PIWIL1: variants seen among roughly 807,000 people sequenced by gnomAD.
PIWIL1 encodes the protein piwi-like protein 1.
A neutral mutation model predicts 114.4 loss-of-function variants in PIWIL1; 73 were observed. The observed-to-expected ratio is 0.64, with a 90% CI of 0.53 to 0.78. PIWIL1 has a LOEUF of 0.78. PIWIL1 is among the 30% of genes least tolerant of loss of function. The probability of loss-of-function intolerance (pLI) is 0.00; values close to 1 mark genes in which losing one functional copy is unlikely to be tolerated. For synonymous variants in PIWIL1, 375 were observed against 369.0 expected, an observed-to-expected ratio of 1.02 and a Z score of -0.19; for missense variants, 723 against 1,063.1, an observed-to-expected ratio of 0.68 and a Z score of 4.45.
downstream of PIWIL1, among the ~76,000 whole-genome samples, chr12:130,372,849 G>T (rs969793740): frequency 6.6e-6 from 1 of 152,024 alleles, no homozygotes; most frequent in African/African-American, 2.4e-5. Context: ...CAAAGAGAAG[G>T]CTTAAAATTA....
rs1248060950 is a variant in PIWIL1 at position 130,371,592 on chromosome 12, C to T, written c.2580C>T (p.Tyr860=). The T allele has an allele frequency of 6.3e-7, 1 of 1,592,042 alleles. No homozygotes were observed. The highest frequency in any genetic ancestry group is 2.2e-5 in the East Asian group (1 of 44,784). The change falls in exon 21 of 21, where the codon TAC becomes TAT. Residue 860 remains tyrosine (Y), a synonymous_variant. Coordinates refer to ENST00000245255, the MANE Select transcript of PIWIL1 (RefSeq NM_004764.5). ...PNLSLSNRLY[Y]L ...TGTCACTGTCAAACCGCCTTTACTA[C>T]CTCTAACCTGCAGAAGACGATGCAG...
At chr12:130,402,143 T>C in the PIWIL1 span, among the ~76,000 whole-genome samples, 5 of 152,190 alleles carry the variant, frequency 3.3e-5, no homozygotes, top group Admixed American at 1.3e-4. Flanking sequence ...CCTCTACCAC[T>C]GCGTGCTACT....
chr12:130,391,730 G>A, the PIWIL1 span, among the ~76,000 whole-genome samples: 5 of 152,156 alleles, frequency 3.3e-5, no homozygotes, highest in African/African-American at 9.7e-5. Context: ...GAGAGGGTCT[G>A]AGTGTCAGAG....
In PIWIL1 at chr12:130,337,999, G is replaced by A. The variant is rs182955466; in HGVS notation, c.-160G>A. ...GCCCGCGTGTCCCTGGCTCTCTCGG[G>A]AACCCAGCGCCGAAGGCGAGGTGGG... On this transcript the variant is annotated 5_prime_UTR_variant, in exon 1 of 21. Coordinates refer to ENST00000245255, the MANE Select transcript of PIWIL1 (RefSeq NM_004764.5). The A allele has an allele frequency of 0.04, 6,931 of 172,558 alleles. 261 individuals are homozygous for A. The highest frequency in any genetic ancestry group is 0.16 in the South Asian group (1,254 of 7,986). 10.7% of individuals were successfully genotyped at this position (172,558 alleles called of 1,614,324 possible).
At position 130,361,480 on chromosome 12, in the gene PIWIL1, A is replaced by G; in HGVS notation, c.1867-18A>G. 1 of 1,613,136 alleles carries G rather than the reference A, an allele frequency of 6.2e-7. No homozygotes were observed. The highest frequency in any genetic ancestry group is 8.5e-7 in the Non-Finnish European group (1 of 1,179,090). On this transcript the variant is annotated intron_variant, in intron 15 of 20. Coordinates refer to ENST00000245255, the MANE Select transcript of PIWIL1 (RefSeq NM_004764.5). ...CTGGTACTCCATTGTATCTAAAATT[A>G]CCATATTTGTATTGAAGCTGAAGCT...
chr12:130,355,838 G>C (rs2073349520), intron 12 of PIWIL1, among the ~76,000 whole-genome samples, 171 bp downstream of exon 12: 1 of 152,136 alleles, frequency 6.6e-6, no homozygotes, highest in Admixed American at 6.5e-5. Flanking sequence ...AAGCAAGTGG[G>C]AAGAACTGAG....
the PIWIL1 span, chr12:130,396,013 G>GGA: frequency 6.8e-6 from 1 of 147,802 alleles, no homozygotes; most frequent in Non-Finnish European, 1.5e-5. Flanking sequence ...ATTATTTTTG[G>GGA]AAAAAAAAAA....
chr12:130,339,959 C>T (rs746880950), intron 1 of PIWIL1, among the ~76,000 whole-genome samples: 2 of 152,156 alleles, frequency 1.3e-5, no homozygotes, highest in Admixed American at 6.5e-5. Context: ...CTGTTTCACA[C>T]CGTTGTTTGT....
intron 20 of PIWIL1, 61 bp downstream of exon 20, chr12:130,371,384 T>C (rs2073813024): frequency 6.2e-6 from 10 of 1,612,166 alleles, no homozygotes; most frequent in Non-Finnish European, 8.5e-6. Flanking sequence ...CAAAATGAAA[T>C]AGCTGTGGTT....
At chr12:130,424,582 C>T in the PIWIL1 span, 14 of 1,231,880 alleles carry the variant, frequency 1.1e-5, no homozygotes, top group South Asian at 8.2e-5. This position sits in a 1 kb window ranked among gnomAD's most constrained non-coding sequence, Gnocchi z 9.8. Flanking sequence ...AAGTCCTCCA[C>T]GTGGGGGACG....
intron 1 of PIWIL1, among the ~76,000 whole-genome samples, chr12:130,338,830 A>T (rs1178438504): frequency 1.3e-5 from 1 of 77,094 alleles, no homozygotes; most frequent in Non-Finnish European, 2.4e-5. Context: ...CTGAGGCCCG[A>T]CTTGCCGGGG....
At chr12:130,366,123 T>C in intron 18 of PIWIL1, among the ~76,000 whole-genome samples, 1 of 152,224 alleles carries the variant, frequency 6.6e-6, no homozygotes. Flanking sequence ...GTATCTGTCC[T>C]CTTAAGGAAC....
the PIWIL1 span, among the ~76,000 whole-genome samples, chr12:130,402,680 A>G: frequency 1.3e-5 from 2 of 152,212 alleles, no homozygotes; most frequent in Non-Finnish European, 2.9e-5. Flanking sequence ...CTGGAGGCCT[A>G]ATGTCCAGAC....
chr12:130,373,477 T>C (rs1443926396), downstream of PIWIL1, among the ~76,000 whole-genome samples: 1 of 152,116 alleles, frequency 6.6e-6, no homozygotes, highest in East Asian at 1.9e-4. Flanking sequence ...AAAGACTTAG[T>C]TGAAAGGGAC....
chr12:130,383,807 C>T, the PIWIL1 span: 20 of 152,294 alleles, frequency 1.3e-4, no homozygotes, highest in East Asian at 3.9e-3. Context: ...TTATGTTTCA[C>T]TGTAGAAATT....
intron 18 of PIWIL1, among the ~76,000 whole-genome samples, chr12:130,364,195 G>T (rs1273203222): frequency 6.6e-6 from 1 of 152,188 alleles, no homozygotes; most frequent in Non-Finnish European, 1.5e-5. Flanking sequence ...TTTAAAGATT[G>T]AACTTTTCAG....
the PIWIL1 span, among the ~76,000 whole-genome samples, chr12:130,401,454 T>A: frequency 6.6e-6 from 1 of 151,952 alleles, no homozygotes; most frequent in African/African-American, 2.4e-5. Flanking sequence ...TCACAAAAAT[T>A]AATTGGAAGA....
chr12:130,398,900 T>A, the PIWIL1 span: 1 of 290,530 alleles, frequency 3.4e-6, no homozygotes, highest in East Asian at 5.7e-5. Flanking sequence ...TAGGAAATGA[T>A]TATTAAAGAT....
rs1374164024 is a variant in PIWIL1, at chr12:130,349,856, G to A, written c.933G>A (p.Lys311=). ...CAGTCAAATCTCAACTGATCCCTAG[G>A]TATAACAATAAGACATACAGAGTGG... ...KELIGLVVLT[K]YNNKTYRVDD... The change falls in exon 9 of 21, where the codon AAG becomes AAA. Residue 311 remains lysine, a splice_region_variant and synonymous_variant. Transcript: ENST00000245255. 6.4e-7 allele frequency: 1 copy of A among 1,553,306 alleles called. No homozygotes were observed. Among genetic ancestry groups the A allele is most frequent in the Admixed American group, 1.8e-5 (1 of 56,686 alleles).
Sources: gnomAD v4.1 joint callset for allele counts (sites outside exome capture counted in the v4.1 genomes callset) on GRCh38, gnomAD v4.1.1 for gene constraint, Gnocchi (gnomAD v3.1) non-coding constraint, MANE v1.5 for transcripts, NCBI Gene and HGNC (gene_info 2026-07-23, HGNC 2026-07-21) for gene names.